EFNA2: variants seen among roughly 807,000 people sequenced by gnomAD.
The protein encoded by EFNA2 is ephrin-A2.
Under a neutral mutation model 19.7 loss-of-function variants are expected in EFNA2, and 18 were observed. That is an observed-to-expected ratio of 0.91 (90% CI 0.63 to 1.35). EFNA2 has a LOEUF of 1.35. Ranked by LOEUF, EFNA2 falls within the 40% of genes most tolerant of loss-of-function variation. EFNA2 has a pLI of 0.00. For missense variants in EFNA2, 303 were observed against 296.0 expected, an observed-to-expected ratio of 1.02 and a Z score of -0.17; for synonymous variants, 187 against 137.8, an observed-to-expected ratio of 1.36 and a Z score of -2.50.
intron 1 of EFNA2, among the ~76,000 whole-genome samples, chr19:1,290,056 G>C (rs2081484280): frequency 1.3e-5 from 2 of 152,046 alleles, no homozygotes; most frequent in African/African-American, 4.8e-5. Flanking sequence ...ACCTGGGCAT[G>C]ACGTCAGGCA....
At chr19:1,293,537 G>A (rs1334481587) in intron 1 of EFNA2, among the ~76,000 whole-genome samples, 1 of 152,230 alleles carries the variant, frequency 6.6e-6, no homozygotes, top group Non-Finnish European at 1.5e-5. Flanking sequence ...GAGACCCAAG[G>A]GTTCAAATCC....
chr19:1,289,680 G>A (rs967032790), intron 1 of EFNA2, among the ~76,000 whole-genome samples: 6 of 152,186 alleles, frequency 3.9e-5, no homozygotes, highest in Admixed American at 6.5e-5. Context: ...GGTTCCCCAC[G>A]GACCCAGTGG....
In EFNA2 at chr19:1,297,447, A is replaced by G. The variant is rs75129252; in HGVS notation, c.455-1104A>G. On this transcript the variant is annotated intron_variant, in intron 2 of 3. Transcript: ENST00000215368. This position sits in a 1 kb window ranked among gnomAD's most constrained non-coding sequence, Gnocchi z 5.0. ...AATTATTCGTCCTACCTCTGTGATG[A>G]ATGTTATTTTTATTACATGCTTTTT... Among the ~76,000 whole-genome samples, 163 of 152,278 alleles carry G rather than the reference A, an allele frequency of 1.1e-3. 3 individuals carry two copies. The East Asian group carries it at 0.027, about 25-fold the overall frequency.
Position 1,295,903 on chromosome 19 carries a change from G to A in EFNA2, c.454+45G>A, listed in dbSNP as rs547770472. The A allele has an allele frequency of 5.5e-6, 8 of 1,457,252 alleles. No homozygotes were observed. In the African/African-American group the frequency reaches 9.0e-5, roughly 16 times the overall value. The allele number at this position is 1,457,252 out of a possible 1,614,324, so 90.3% of individuals were successfully genotyped here. On this transcript the variant is annotated intron_variant, in intron 2 of 3. Transcript: ENST00000215368. This position sits in a 1 kb window ranked among gnomAD's most constrained non-coding sequence, Gnocchi z 5.8. ...GGCTGCCGGGGCCCGAGTGGGCGGG[G>A]ACGCGGGGGCGGGGCCAGGAAGTGG...
chr19:1,297,957 G>T lies in EFNA2; in HGVS notation c.455-594G>T, dbSNP rs2081523308. ...CATGGTGGCACACATTTGTAATCCT[G>T]TTTACTTGGGAGGCTGAGGCAGGAG... On this transcript the variant is annotated intron_variant, in intron 2 of 3. Transcript: ENST00000215368. This position sits in a 1 kb window ranked among gnomAD's most constrained non-coding sequence, Gnocchi z 5.0. Among the ~76,000 whole-genome samples, 3 of 149,260 alleles carry T rather than the reference G, an allele frequency of 2.0e-5. No homozygotes were observed. The South Asian group carries it at 6.4e-4, about 32-fold the overall frequency.
chr19:1,301,125 AAAG>A lies in EFNA2; in HGVS notation c.*1183_*1185del, dbSNP rs1652084744. Among the ~76,000 whole-genome samples the A allele has an allele frequency of 7.5e-6, 1 of 132,888 alleles. No individual in the cohort carries two copies. The highest frequency in any genetic ancestry group is 3.0e-5 in the African/African-American group (1 of 33,156). 87.2% of individuals were successfully genotyped at this position (132,888 alleles called of 152,430 possible). On this transcript the variant is annotated 3_prime_UTR_variant, in exon 4 of 4. Transcript: ENST00000215368. ...GAGGGAACCACTACCAAAAAAAAAA[AAAG>A]AAACTCCTCCCCGAAGACACTTTAA...
chr19:1,299,734 G>A, intron 3 of EFNA2, 90 bp from the exon 4 acceptor site: 2 of 1,467,454 alleles, frequency 1.4e-6, no homozygotes, highest in East Asian at 2.5e-5. Context: ...TGAGCCCGTT[G>A]GGCAGATGTG....
Position 1,299,990 on chromosome 19 carries a change from G to A in EFNA2, c.*45G>A. The A allele has an allele frequency of 6.4e-7, 1 of 1,561,282 alleles. No homozygotes were observed. Among genetic ancestry groups the A allele is most frequent in the East Asian group, 2.3e-5 (1 of 42,786 alleles). On this transcript the variant is annotated 3_prime_UTR_variant, in exon 4 of 4. Transcript: ENST00000215368. Reference sequence around the variant, plus strand: ...CGACCCTGCCTGGACGGCCCCGCCTGGACCGCCTGACCTCGGCCCTCCGGA... The same window carrying A: ...CGACCCTGCCTGGACGGCCCCGCCTAGACCGCCTGACCTCGGCCCTCCGGA...
In EFNA2 at chr19:1,296,269, G is replaced by A. The variant is rs1213354400; in HGVS notation, c.454+411G>A. On this transcript the variant is annotated intron_variant, in intron 2 of 3. Coordinates refer to ENST00000215368, the MANE Select transcript of EFNA2 (RefSeq NM_001405.4). This position sits in a 1 kb window ranked among gnomAD's most constrained non-coding sequence, Gnocchi z 4.4. The stretch of plus-strand genomic sequence containing the variant: ...TCCAGCTCAGACCACTTGGTGGTTG[G>A]GCCAGTAGACCTGGCTCAGCCCCCC... 1.3e-5 allele frequency among the ~76,000 whole-genome samples: 2 copies of A among 152,190 alleles called. No individual in the cohort carries two copies. The highest frequency in any genetic ancestry group is 2.9e-5 in the Non-Finnish European group (2 of 68,018).
At chr19:1,290,421 G>A (rs1335672439) in intron 1 of EFNA2, among the ~76,000 whole-genome samples, 1 of 152,224 alleles carries the variant, frequency 6.6e-6, no homozygotes, top group Non-Finnish European at 1.5e-5. Flanking sequence ...CGTGGCGGGG[G>A]GCCGTGAACG....
rs1444907821 is a variant in EFNA2 at position 1,299,964 on chromosome 19, C to A, written c.*19C>A. ...TTCCTAGTCCCAGCCCCGCAGGACG[C>A]CGACCCTGCCTGGACGGCCCCGCCT... On this transcript the variant is annotated 3_prime_UTR_variant, in exon 4 of 4. Coordinates refer to ENST00000215368, the MANE Select transcript of EFNA2 (RefSeq NM_001405.4). The A allele has an allele frequency of 6.3e-7, 1 of 1,584,664 alleles. No individual in the cohort carries two copies. Among genetic ancestry groups the A allele is most frequent in the South Asian group, 1.1e-5 (1 of 89,222 alleles).
At position 1,295,920 on chromosome 19, in the gene EFNA2, A is replaced by G. The variant is rs2081512727; in HGVS notation, c.454+62A>G. On this transcript the variant is annotated intron_variant, in intron 2 of 3. Transcript: ENST00000215368. The surrounding 1 kb of genome is among the most constrained non-coding windows in gnomAD (Gnocchi z 5.8). ...TGGGCGGGGACGCGGGGGCGGGGCC[A>G]GGAAGTGGGCGGGACCACTGGGGTG... 3 of 653,018 alleles carry G rather than the reference A, an allele frequency of 4.6e-6. No individual in the cohort carries two copies. The highest frequency in any genetic ancestry group is 1.8e-5 in the South Asian group (1 of 54,148). 40.5% of individuals were successfully genotyped at this position (653,018 alleles called of 1,614,324 possible).
chr19:1,294,817 C>T lies in EFNA2; in HGVS notation c.141-728C>T, dbSNP rs1443142100. ...GCTGGAATGCCCGACCTGTGTCCCCCACGCTGCCCCGGTCCTTCTCAACAG... is the reference window on the plus strand; with the variant it reads ...GCTGGAATGCCCGACCTGTGTCCCCTACGCTGCCCCGGTCCTTCTCAACAG... On this transcript the variant is annotated intron_variant, in intron 1 of 3. Coordinates refer to ENST00000215368, the MANE Select transcript of EFNA2 (RefSeq NM_001405.4). This position sits in a 1 kb window ranked among gnomAD's most constrained non-coding sequence, Gnocchi z 5.8. Among the ~76,000 whole-genome samples, 1 of 151,532 alleles carries T rather than the reference C, an allele frequency of 6.6e-6. No individual in the cohort carries two copies. The highest frequency in any genetic ancestry group is 1.5e-5 in the Non-Finnish European group (1 of 67,858).
rs184818302 is a variant in EFNA2 at position 1,298,052 on chromosome 19, A to G, written c.455-499A>G. Among the ~76,000 whole-genome samples the G allele has an allele frequency of 3.1e-4, 39 of 127,414 alleles. 1 individual carries two copies. The East Asian group carries it at 9.6e-3, about 31-fold the overall frequency. 83.6% of individuals were successfully genotyped at this position (127,414 alleles called of 152,430 possible). A position where few individuals can be genotyped will look rare whatever the true frequency, so the allele number is the denominator to read the frequency against. On this transcript the variant is annotated intron_variant, in intron 2 of 3. Coordinates refer to ENST00000215368, the MANE Select transcript of EFNA2 (RefSeq NM_001405.4). Reference sequence around the variant, plus strand: ...GTACCATTGCACTCCAGCCTGGGCGACAAGAGCAAAGCTCCATCACAAAAA... The same window carrying G: ...GTACCATTGCACTCCAGCCTGGGCGGCAAGAGCAAAGCTCCATCACAAAAA...
chr19:1,288,206 G>A (rs1380007659), intron 1 of EFNA2, among the ~76,000 whole-genome samples: 4 of 152,252 alleles, frequency 2.6e-5, no homozygotes, highest in African/African-American at 7.2e-5. Context: ...GCACCTTCCC[G>A]GGAAGCCGGG....
At chr19:1,298,877 C>T (rs966943158) in intron 3 of EFNA2, among the ~76,000 whole-genome samples, 7 of 152,030 alleles carry the variant, frequency 4.6e-5, no homozygotes, top group African/African-American at 1.4e-4. Context: ...CCCAGGAGGC[C>T]GAGGCTGCAG....
chr19:1,299,399 A>G (rs940847030), intron 3 of EFNA2, among the ~76,000 whole-genome samples: 2 of 151,810 alleles, frequency 1.3e-5, no homozygotes, highest in Admixed American at 6.6e-5. Context: ...TCTGCTGAAA[A>G]TACAAAATTA....
chr19:1,294,198 A>G lies in EFNA2; in HGVS notation c.141-1347A>G, dbSNP rs947604699. 6.6e-6 allele frequency among the ~76,000 whole-genome samples: 1 copy of G among 152,176 alleles called. No homozygotes were observed. The highest frequency in any genetic ancestry group is 1.5e-5 in the Non-Finnish European group (1 of 68,020). ...CCCTGTTCAGGTCTTTTATGTGCTA[A>G]TAAGCCCCTCTCAGGGCCCCCCTCG... On this transcript the variant is annotated intron_variant, in intron 1 of 3. Coordinates refer to ENST00000215368, the MANE Select transcript of EFNA2 (RefSeq NM_001405.4). The surrounding 1 kb of genome is among the most constrained non-coding windows in gnomAD (Gnocchi z 5.8).
In EFNA2 at chr19:1,297,701, A is replaced by C. The variant is rs1465694559; in HGVS notation, c.455-850A>C. ...TGATCCTTGCAGACGCCCCCACTGC[A>C]CTCCAGGATGCTTCTGGGGGCCCGA... On this transcript the variant is annotated intron_variant, in intron 2 of 3. Coordinates refer to ENST00000215368, the MANE Select transcript of EFNA2 (RefSeq NM_001405.4). This position sits in a 1 kb window ranked among gnomAD's most constrained non-coding sequence, Gnocchi z 5.0. 6.6e-6 allele frequency among the ~76,000 whole-genome samples: 1 copy of C among 151,860 alleles called. No individual in the cohort carries two copies. Among genetic ancestry groups the C allele is most frequent in the East Asian group, 1.9e-4 (1 of 5,170 alleles).
Sources: gnomAD v4.1 joint callset for allele counts (sites outside exome capture counted in the v4.1 genomes callset) on GRCh38, gnomAD v4.1.1 for gene constraint, Gnocchi (gnomAD v3.1) non-coding constraint, MANE v1.5 for transcripts, NCBI Gene and HGNC (gene_info 2026-07-23, HGNC 2026-07-21) for gene names.